Variants in SH3GL2 observed in about 807,000 individuals in gnomAD.
SH3GL2 encodes endophilin-A1.
A neutral mutation model predicts 46.0 loss-of-function variants in SH3GL2; 24 were observed. That is an observed-to-expected ratio of 0.52 (90% CI 0.38 to 0.73). The LOEUF (loss-of-function observed/expected upper bound fraction) is 0.73. Among genes scored for constraint, SH3GL2 ranks in the 30% least tolerant of loss-of-function variants. The pLI is 0.00. For missense variants in SH3GL2, 413 were observed against 424.2 expected, an observed-to-expected ratio of 0.97 and a Z score of 0.23; for synonymous variants, 196 against 147.1, an observed-to-expected ratio of 1.33 and a Z score of -2.40.
intron 1 of SH3GL2, among the ~76,000 whole-genome samples, chr9:17,746,007 G>A (rs1433776099): frequency 2.6e-5 from 4 of 152,114 alleles, no homozygotes; most frequent in African/African-American, 9.7e-5. Context: ...GATAAAACCA[G>A]AGTATCTTTT....
At chr9:17,580,702 A>G (rs998306651) in intron 1 of SH3GL2, among the ~76,000 whole-genome samples, 1 of 152,304 alleles carries the variant, frequency 6.6e-6, no homozygotes, top group Admixed American at 6.5e-5. Context: ...ATAACTTTAT[A>G]CTGCAAGTTC....
intron 1 of SH3GL2, among the ~76,000 whole-genome samples, chr9:17,686,920 C>T (rs1002623714): frequency 6.0e-5 from 8 of 133,244 alleles, no homozygotes; most frequent in Non-Finnish European, 1.1e-4. Flanking sequence ...GCACATGTAC[C>T]CTAAAACTTA....
intron 1 of SH3GL2, among the ~76,000 whole-genome samples, chr9:17,727,519 A>G (rs1214518947): frequency 1.3e-5 from 2 of 152,134 alleles, no homozygotes. Flanking sequence ...CCTCCAGCCC[A>G]AGCTTGGTAG....
chr9:17,603,434 C>T (rs1393065691), intron 1 of SH3GL2, among the ~76,000 whole-genome samples: 4 of 152,146 alleles, frequency 2.6e-5, no homozygotes, highest in African/African-American at 9.7e-5. Flanking sequence ...CTAGAGTAGT[C>T]AAATTCATAG....
At chr9:17,735,788 G>A (rs1408579033) in intron 1 of SH3GL2, 4 of 964,174 alleles carry the variant, frequency 4.1e-6, no homozygotes, top group Non-Finnish European at 4.9e-6. Flanking sequence ...AAGCATAATA[G>A]GAAAGAAGGG....
chr9:17,605,278 T>C (rs187422148), intron 1 of SH3GL2, among the ~76,000 whole-genome samples: 17 of 152,240 alleles, frequency 1.1e-4, no homozygotes, highest in Admixed American at 1.0e-3. Flanking sequence ...TGCAGTAGGC[T>C]ACAGTTACTT....
intron 3 of SH3GL2, among the ~76,000 whole-genome samples, chr9:17,774,838 G>C (rs554386681): frequency 3.2e-4 from 48 of 152,154 alleles, no homozygotes; most frequent in African/African-American, 1.1e-3. Flanking sequence ...TCAATTTTTT[G>C]GAAAAGTTTG....
At chr9:17,616,189 T>C (rs1476332160) in intron 1 of SH3GL2, among the ~76,000 whole-genome samples, 1 of 152,200 alleles carries the variant, frequency 6.6e-6, no homozygotes, top group African/African-American at 2.4e-5. Flanking sequence ...ATGAAGCACT[T>C]ATGTTTCTGG....
intron 3 of SH3GL2, among the ~76,000 whole-genome samples, chr9:17,767,920 T>C (rs1301918306): frequency 6.6e-6 from 1 of 152,196 alleles, no homozygotes; most frequent in Non-Finnish European, 1.5e-5. Context: ...GGGTTTCTAC[T>C]TCTACATCTT....
chr9:17,766,531 G>A (rs1393851059), intron 3 of SH3GL2, among the ~76,000 whole-genome samples: 1 of 152,138 alleles, frequency 6.6e-6, no homozygotes, highest in Non-Finnish European at 1.5e-5. Context: ...GAAATAGGAT[G>A]CAAGCCACAT....
chr9:17,707,741 A>C (rs933702636), intron 1 of SH3GL2, among the ~76,000 whole-genome samples: 5 of 152,084 alleles, frequency 3.3e-5, no homozygotes, highest in Admixed American at 2.0e-4. Flanking sequence ...TACAGCTATT[A>C]GACCTTACAC....
At chr9:17,584,418 G>T (rs1818333273) in intron 1 of SH3GL2, among the ~76,000 whole-genome samples, 1 of 152,146 alleles carries the variant, frequency 6.6e-6, no homozygotes, top group African/African-American at 2.4e-5. Flanking sequence ...CAGGAGAATT[G>T]CCTGAACCCA....
At chr9:17,686,136 A>G (rs1820903444) in intron 1 of SH3GL2, among the ~76,000 whole-genome samples, 2 of 135,702 alleles carry the variant, frequency 1.5e-5, no homozygotes, top group Admixed American at 7.3e-5. Context: ...AAGGACATGA[A>G]CAGACACTTC....
chr9:17,697,654 T>C (rs1821241873), intron 1 of SH3GL2, among the ~76,000 whole-genome samples: 1 of 152,202 alleles, frequency 6.6e-6, no homozygotes, highest in African/African-American at 2.4e-5. Context: ...GCAACTTCAT[T>C]AGACATCCAC....
At chr9:17,665,018 G>A (rs1477128385) in intron 1 of SH3GL2, among the ~76,000 whole-genome samples, 1 of 152,050 alleles carries the variant, frequency 6.6e-6, no homozygotes, top group Non-Finnish European at 1.5e-5. Context: ...CAGGTAGTGT[G>A]AGATACTTCC....
intron 1 of SH3GL2, among the ~76,000 whole-genome samples, chr9:17,679,015 T>A (rs1270705707): frequency 6.6e-6 from 1 of 152,184 alleles, no homozygotes; most frequent in East Asian, 1.9e-4. Context: ...ACCAGTACCA[T>A]GCTGTTTTGG....
At chr9:17,743,076 CAG>C (rs1822574620) in intron 1 of SH3GL2, among the ~76,000 whole-genome samples, 1 of 152,130 alleles carries the variant, frequency 6.6e-6, no homozygotes, top group South Asian at 2.1e-4. Flanking sequence ...TAAGGAGAAA[CAG>C]AGCTCTTCAT....
intron 1 of SH3GL2, among the ~76,000 whole-genome samples, chr9:17,715,181 A>ATTC (rs1563824117): frequency 1.5e-5 from 2 of 134,480 alleles, no homozygotes; most frequent in East Asian, 4.5e-4. Context: ...TTTGATTATG[A>ATTC]TTTCTTTCTT....
chr9:17,679,305 C>T (rs1251976165), intron 1 of SH3GL2, among the ~76,000 whole-genome samples: 2 of 152,150 alleles, frequency 1.3e-5, no homozygotes, highest in South Asian at 2.1e-4. Flanking sequence ...TCTTTTATTT[C>T]GTTGAGCACT....
Sources: allele counts gnomAD v4.1 joint callset (sites outside exome capture counted in the v4.1 genomes callset), GRCh38; gene constraint gnomAD v4.1.1; transcripts MANE v1.5; gene names NCBI Gene and HGNC (gene_info 2026-07-23, HGNC 2026-07-21).